Variants in KIRREL3 observed in about 807,000 individuals in gnomAD.
The protein encoded by KIRREL3 is kin of IRRE-like protein 3.
In KIRREL3, 36 loss-of-function variants were observed where a neutral mutation model predicts 89.7. The observed-to-expected ratio is 0.40, with a 90% CI of 0.31 to 0.53. The LOEUF is 0.53. Ranked by LOEUF, KIRREL3 falls within the 20% of genes least tolerant of loss-of-function variation. KIRREL3 has a pLI of 0.49. For synonymous variants in KIRREL3, 445 were observed against 441.4 expected (o/e 1.01, Z -0.10); for missense variants, 864 against 1,056.6 (o/e 0.82, Z 2.53).
At chr11:126,469,568 C>T (rs943427344) in intron 5 of KIRREL3, among the ~76,000 whole-genome samples, 1 of 152,216 alleles carries the variant, frequency 6.6e-6, no homozygotes, top group African/African-American at 2.4e-5. Flanking sequence ...ACATCACAGG[C>T]TTGTAGCTTC....
intron 1 of KIRREL3, among the ~76,000 whole-genome samples, chr11:126,835,719 G>C (rs1450821176): frequency 1.3e-5 from 2 of 152,202 alleles, no homozygotes; most frequent in Non-Finnish European, 2.9e-5. Flanking sequence ...GTGTTGTAAA[G>C]AATATAATCC....
chr11:126,604,028 ACTTC>A lies in KIRREL3; in HGVS notation c.56-41120_56-41117del, dbSNP rs1018064959. Among the ~76,000 whole-genome samples the A allele has an allele frequency of 5.9e-5, 9 of 152,090 alleles. No individual in the cohort carries two copies. The South Asian group carries it at 1.3e-3, about 21-fold the overall frequency. On this transcript the variant is annotated intron_variant, in intron 1 of 16. Transcript: ENST00000525144. ...ACGTTATCCATTCACTTTTCAGTTG[ACTTC>A]CTTCCTTCCTTCCTGCTTTCCTTTC...
At position 126,591,175 on chromosome 11, in the gene KIRREL3, G is replaced by A. The variant is rs144520784; in HGVS notation, c.56-28263C>T. On this transcript the variant is annotated intron_variant, in intron 1 of 16. Transcript: ENST00000525144. ...CGGGTGGAGGAGGTTGCAGTGAGCC[G>A]TTATTGGACCACTGTACTCCAGCCT... is the stretch of plus-strand genomic sequence containing the variant. Among the ~76,000 whole-genome samples, 9 of 152,256 alleles carry A rather than the reference G, an allele frequency of 5.9e-5. No homozygotes were observed. In the East Asian group the frequency reaches 1.2e-3, roughly 20 times the overall value.
intron 1 of KIRREL3, among the ~76,000 whole-genome samples, chr11:126,633,170 C>A (rs1003815484): frequency 6.6e-6 from 1 of 152,000 alleles, no homozygotes; most frequent in Admixed American, 6.6e-5. Flanking sequence ...TTGGCCATGC[C>A]GAGTCCCAAG....
Position 126,623,482 on chromosome 11 carries a change from G to A in KIRREL3, c.56-60570C>T, listed in dbSNP as rs573836755. ...TATGTTGGTATTCTGTGATGTACGC[G>A]GCTCTGTGTGCTGGTGAGATTTTGT... is the stretch of plus-strand genomic sequence containing the variant. On this transcript the variant is annotated intron_variant, in intron 1 of 16. Coordinates refer to ENST00000525144, the MANE Select transcript of KIRREL3 (RefSeq NM_032531.4). This position sits in a 1 kb window ranked among gnomAD's most constrained non-coding sequence, Gnocchi z 4.1. 5.9e-5 allele frequency among the ~76,000 whole-genome samples: 9 copies of A among 152,228 alleles called. No individual in the cohort carries two copies. Among genetic ancestry groups the A allele is most frequent in the South Asian group, 2.1e-4 (1 of 4,820 alleles).
intron 7 of KIRREL3, among the ~76,000 whole-genome samples, chr11:126,452,000 C>T (rs1237334188): frequency 6.6e-6 from 1 of 152,062 alleles, no homozygotes; most frequent in African/African-American, 2.4e-5. Flanking sequence ...ATTCCTGGAG[C>T]CTTTCCTGGC....
At chr11:126,665,719 C>T (rs142776853) in intron 1 of KIRREL3, among the ~76,000 whole-genome samples, 9 of 152,284 alleles carry the variant, frequency 5.9e-5, no homozygotes, top group Admixed American at 4.6e-4. Context: ...AGTCTAAGAT[C>T]GTTTGTTACT....
Position 126,653,175 on chromosome 11 carries a change from G to A in KIRREL3, c.56-90263C>T, listed in dbSNP as rs1944974267. Reference sequence around the variant, plus strand: ...AACAAGAGAATGATGGAATAACTAGGCAAGTGAGAGAGGCAGACAGTGCAC... The same window carrying A: ...AACAAGAGAATGATGGAATAACTAGACAAGTGAGAGAGGCAGACAGTGCAC... On this transcript the variant is annotated intron_variant, in intron 1 of 16. Coordinates refer to ENST00000525144, the MANE Select transcript of KIRREL3 (RefSeq NM_032531.4). The surrounding 1 kb of genome is among the most constrained non-coding windows in gnomAD (Gnocchi z 5.4). Among the ~76,000 whole-genome samples the A allele has an allele frequency of 2.6e-5, 4 of 152,234 alleles. No individual in the cohort carries two copies. In the South Asian group the frequency reaches 8.3e-4, roughly 32 times the overall value.
intron 1 of KIRREL3, among the ~76,000 whole-genome samples, chr11:126,654,240 A>G (rs1395023293): frequency 6.6e-6 from 1 of 152,146 alleles, no homozygotes; most frequent in Non-Finnish European, 1.5e-5. Flanking sequence ...AGAAGTTGCT[A>G]AAGGATGAGC....
chr11:126,644,937 C>T (rs1359850614), intron 1 of KIRREL3, among the ~76,000 whole-genome samples: 1 of 152,168 alleles, frequency 6.6e-6, no homozygotes, highest in African/African-American at 2.4e-5. Flanking sequence ...AGCGAACGTG[C>T]CAAGTCCTAC....
Position 126,641,518 on chromosome 11 carries a change from T to C in KIRREL3, c.56-78606A>G, listed in dbSNP as rs1353996253. Among the ~76,000 whole-genome samples, 2 of 152,116 alleles carry C rather than the reference T, an allele frequency of 1.3e-5. No individual in the cohort carries two copies. The highest frequency in any genetic ancestry group is 2.9e-5 in the Non-Finnish European group (2 of 68,024). On this transcript the variant is annotated intron_variant, in intron 1 of 16. Coordinates refer to ENST00000525144, the MANE Select transcript of KIRREL3 (RefSeq NM_032531.4). The surrounding 1 kb of genome is among the most constrained non-coding windows in gnomAD (Gnocchi z 5.0). The stretch of plus-strand genomic sequence containing the variant: ...ACAACAGGAAGGGAGAAAATTGCTA[T>C]TACCACCTAGACTGTGAGCAAATAA...
rs1031140142 is a variant in KIRREL3, at chr11:126,896,432, A to G, written c.55+104023T>C. On this transcript the variant is annotated intron_variant, in intron 1 of 16. Transcript: ENST00000525144. This position sits in a 1 kb window ranked among gnomAD's most constrained non-coding sequence, Gnocchi z 4.1. ...TTGTGGCTCTCCTGTATGCCTGTTG[A>G]GATGCCCATGCCCTTTCCAGAGCTA... 6.6e-6 allele frequency among the ~76,000 whole-genome samples: 1 copy of G among 152,204 alleles called. No homozygotes were observed. The highest frequency in any genetic ancestry group is 1.5e-5 in the Non-Finnish European group (1 of 68,048).
chr11:126,595,989 G>A (rs986119706), intron 1 of KIRREL3, among the ~76,000 whole-genome samples: 2 of 152,218 alleles, frequency 1.3e-5, no homozygotes, highest in African/African-American at 4.8e-5. Flanking sequence ...CTTAGGAGCA[G>A]AGGAAAGTGG....
At position 126,740,679 on chromosome 11, in the gene KIRREL3, T is replaced by G. The variant is rs1565693508; in HGVS notation, c.56-177767A>C. Reference sequence around the variant, plus strand: ...GGAGGTGCTAGTAGAGGGGCTCTAGTAGGGTGTCTTGATGGGGCACAGGGG... The same window carrying G: ...GGAGGTGCTAGTAGAGGGGCTCTAGGAGGGTGTCTTGATGGGGCACAGGGG... On this transcript the variant is annotated intron_variant, in intron 1 of 16. Coordinates refer to ENST00000525144, the MANE Select transcript of KIRREL3 (RefSeq NM_032531.4). This position sits in a 1 kb window ranked among gnomAD's most constrained non-coding sequence, Gnocchi z 6.0. 6.6e-6 allele frequency among the ~76,000 whole-genome samples: 1 copy of G among 152,040 alleles called. No homozygotes were observed. The highest frequency in any genetic ancestry group is 1.5e-5 in the Non-Finnish European group (1 of 68,000).
chr11:126,580,522 AG>A (rs1194204717), intron 1 of KIRREL3, among the ~76,000 whole-genome samples: 1 of 152,218 alleles, frequency 6.6e-6, no homozygotes, highest in Non-Finnish European at 1.5e-5. Flanking sequence ...TAGAAAGGTC[AG>A]TGGAGGCATA....
At chr11:126,533,355 C>A (rs1437845610) in intron 2 of KIRREL3, among the ~76,000 whole-genome samples, 1 of 152,186 alleles carries the variant, frequency 6.6e-6, no homozygotes, top group Non-Finnish European at 1.5e-5. Flanking sequence ...CCCAGGAACT[C>A]ATAGAACCCA....
intron 1 of KIRREL3, among the ~76,000 whole-genome samples, chr11:126,577,538 G>A (rs993744343): frequency 1.3e-5 from 2 of 149,290 alleles, no homozygotes; most frequent in Non-Finnish European, 3.0e-5. Context: ...CCTGAGGTCA[G>A]GAGATCGAGA....
chr11:126,958,668 A>G (rs1210335930), intron 1 of KIRREL3, among the ~76,000 whole-genome samples: 1 of 152,238 alleles, frequency 6.6e-6, no homozygotes, highest in Non-Finnish European at 1.5e-5. Context: ...CTGCTTAATC[A>G]TGATAACCTG....
At chr11:126,923,263 T>C (rs71470643) in intron 1 of KIRREL3, among the ~76,000 whole-genome samples, 2,277 of 56,412 alleles carry the variant, frequency 0.04, 357 homozygotes, top group East Asian at 0.16. Flanking sequence ...TTCTTCTTCT[T>C]CTTCTCCTTC....
Sources: allele counts gnomAD v4.1 joint callset (sites outside exome capture counted in the v4.1 genomes callset), GRCh38; gene constraint gnomAD v4.1.1; non-coding constraint Gnocchi (gnomAD v3.1); transcripts MANE v1.5; gene names NCBI Gene and HGNC (gene_info 2026-07-23, HGNC 2026-07-21).